The following GABRB3 variants were observed in gnomAD, a reference collection of about 807,000 sequenced individuals.
GABRB3 encodes the protein gamma-aminobutyric acid type A receptor subunit beta3, also known as gamma-aminobutyric acid receptor subunit beta-3.
GABRB3 carries 14 observed loss-of-function variants against 52.1 expected under a neutral mutation model. The observed-to-expected ratio is 0.27, with a 90% CI of 0.18 to 0.42. The LOEUF (loss-of-function observed/expected upper bound fraction) is 0.42, where lower values mean the gene tolerates loss of function less well. GABRB3 is among the 10% of genes least tolerant of loss of function. The probability of loss-of-function intolerance (pLI) is 1.00; values close to 1 mark genes in which losing one functional copy is unlikely to be tolerated. For synonymous variants in GABRB3, 260 were observed against 232.3 expected (o/e 1.12, Z -1.08); for missense variants, 307 against 609.1 (o/e 0.50, Z 5.22).
At chr15:26,709,488 C>T (rs895509142) in intron 3 of GABRB3, among the ~76,000 whole-genome samples, 11 of 150,550 alleles carry the variant, frequency 7.3e-5, no homozygotes, top group South Asian at 2.1e-4. Context: ...CCATGAGCCA[C>T]GTAAACCTCT....
intron 3 of GABRB3, among the ~76,000 whole-genome samples, chr15:26,758,791 C>A: frequency 6.6e-6 from 1 of 151,636 alleles, no homozygotes; most frequent in East Asian, 1.9e-4. Flanking sequence ...GAAAAAAAAA[C>A]AACCTTAAGT....
At chr15:26,773,728 G>T (rs775916010), upstream of GABRB3, 1 of 1,562,158 alleles carries the variant, frequency 6.4e-7, no homozygotes, top group Admixed American at 1.9e-5. Context: ...AGCACATGGC[G>T]CTGTTCCTCC....
At chr15:26,683,500 T>C (rs188547962) in intron 3 of GABRB3, among the ~76,000 whole-genome samples, 7 of 152,290 alleles carry the variant, frequency 4.6e-5, no homozygotes, top group Admixed American at 2.0e-4. Flanking sequence ...CTTTAAAAGG[T>C]TGGTGAATGA....
chr15:26,589,799 G>A (rs1189815421), intron 4 of GABRB3, among the ~76,000 whole-genome samples: 1 of 152,218 alleles, frequency 6.6e-6, no homozygotes, highest in African/African-American at 2.4e-5. Context: ...AACCACACAC[G>A]CAGAGTAAGT....
intron 3 of GABRB3, among the ~76,000 whole-genome samples, chr15:26,697,320 C>A (rs1447338108): frequency 6.6e-6 from 1 of 152,098 alleles, no homozygotes; most frequent in Non-Finnish European, 1.5e-5. Flanking sequence ...ATAAACATAA[C>A]CTATATGTGC....
chr15:26,727,072 T>C (rs533262272), intron 3 of GABRB3, among the ~76,000 whole-genome samples: 4 of 152,138 alleles, frequency 2.6e-5, no homozygotes, highest in Non-Finnish European at 4.4e-5. Flanking sequence ...GGCAGGAGAA[T>C]TGATTGAACC....
intron 3 of GABRB3, among the ~76,000 whole-genome samples, chr15:26,735,910 G>A (rs558658199): frequency 2.0e-5 from 3 of 149,078 alleles, no homozygotes; most frequent in East Asian, 2.0e-4. Context: ...AGCTATGACC[G>A]TATCACTGCA....
chr15:26,685,810 T>A (rs1888385323), intron 3 of GABRB3, among the ~76,000 whole-genome samples: 2 of 151,026 alleles, frequency 1.3e-5, no homozygotes, highest in Non-Finnish European at 3.0e-5. Context: ...TTTTTTTTTT[T>A]TTTTTTGCCC....
intron 8 of GABRB3, among the ~76,000 whole-genome samples, chr15:26,557,019 G>A (rs1895834610): frequency 6.6e-6 from 1 of 152,152 alleles, no homozygotes; most frequent in Non-Finnish European, 1.5e-5. Flanking sequence ...TAAAGACAGA[G>A]TATCAATCTA....
chr15:26,644,050 G>A (rs540492983), intron 3 of GABRB3, among the ~76,000 whole-genome samples: 2 of 152,278 alleles, frequency 1.3e-5, no homozygotes, highest in African/African-American at 2.4e-5. Context: ...AGGAGGTGAG[G>A]GAAGGAATTC....
At chr15:26,553,758 C>G (rs1889570807) in intron 8 of GABRB3, among the ~76,000 whole-genome samples, 1 of 151,962 alleles carries the variant, frequency 6.6e-6, no homozygotes, top group African/African-American at 2.4e-5. Flanking sequence ...TGTCCTTAGT[C>G]AGGAGCACAA....
chr15:26,699,536 A>G (rs1027518353), intron 3 of GABRB3, among the ~76,000 whole-genome samples: 1 of 151,874 alleles, frequency 6.6e-6, no homozygotes, highest in African/African-American at 2.4e-5. Flanking sequence ...GAATTAGCAA[A>G]GACATTTTAA....
intron 6 of GABRB3, among the ~76,000 whole-genome samples, chr15:26,568,004 G>A (rs1890244255): frequency 6.6e-6 from 1 of 152,234 alleles, no homozygotes; most frequent in African/African-American, 2.4e-5. Flanking sequence ...TTAGTTTTTA[G>A]CTTAGAATCC....
intron 3 of GABRB3, among the ~76,000 whole-genome samples, chr15:26,768,290 C>G (rs891822773): frequency 6.6e-6 from 1 of 152,062 alleles, no homozygotes; most frequent in Non-Finnish European, 1.5e-5. Flanking sequence ...CAAGTTAAAT[C>G]ACAGGAATTA....
At chr15:26,746,410 G>A (rs1346298698) in intron 3 of GABRB3, among the ~76,000 whole-genome samples, 2 of 152,072 alleles carry the variant, frequency 1.3e-5, no homozygotes, top group Non-Finnish European at 2.9e-5. Flanking sequence ...AGTCTTTAGA[G>A]TCTTTTGCAG....
intron 3 of GABRB3, among the ~76,000 whole-genome samples, chr15:26,766,611 C>A (rs1321079163): frequency 6.6e-6 from 1 of 151,682 alleles, no homozygotes; most frequent in African/African-American, 2.4e-5. Flanking sequence ...ATTTTATTTA[C>A]CATTATCCAA....
In GABRB3 at chr15:26,678,750, C is replaced by G. The variant is rs565947511; in HGVS notation, c.241-57216G>C. On this transcript the variant is annotated intron_variant, in intron 3 of 8. Transcript: ENST00000311550. Reference sequence around the variant, plus strand: ...GTTCTGAAGGACAGCCAGGTATACACTGGGAAGCTGCTTTTCTGGAGCCCT... The same window carrying G: ...GTTCTGAAGGACAGCCAGGTATACAGTGGGAAGCTGCTTTTCTGGAGCCCT... 5.9e-5 allele frequency among the ~76,000 whole-genome samples: 9 copies of G among 152,244 alleles called. No individual in the cohort carries two copies. In the South Asian group the frequency reaches 1.9e-3, roughly 32 times the overall value.
intron 4 of GABRB3, among the ~76,000 whole-genome samples, chr15:26,606,665 A>G (rs1239478871): frequency 1.4e-5 from 2 of 147,760 alleles, no homozygotes; most frequent in Non-Finnish European, 3.0e-5. Flanking sequence ...AATTAGGCAA[A>G]AGAAAGAAAG....
intron 4 of GABRB3, among the ~76,000 whole-genome samples, chr15:26,620,300 G>A (rs1892434230): frequency 6.6e-6 from 1 of 152,172 alleles, no homozygotes; most frequent in Non-Finnish European, 1.5e-5. Flanking sequence ...TTCTGAGAAA[G>A]TCACTCACAT....
Sources: gnomAD v4.1 joint callset for allele counts (sites outside exome capture counted in the v4.1 genomes callset) on GRCh38, gnomAD v4.1.1 for gene constraint, MANE v1.5 for transcripts, NCBI Gene and HGNC (gene_info 2026-07-23, HGNC 2026-07-21) for gene names.